Variants in FKBP1A observed in about 807,000 individuals in gnomAD.
The protein encoded by FKBP1A is peptidyl-prolyl cis-trans isomerase FKBP1A.
A neutral mutation model predicts 14.2 loss-of-function variants in FKBP1A; 5 were observed. The ratio of observed to expected loss-of-function variants is 0.35; its 90% CI spans 0.18 to 0.74. FKBP1A has a LOEUF of 0.74. Among genes scored for constraint, FKBP1A ranks in the 30% least tolerant of loss-of-function variants. The probability of loss-of-function intolerance (pLI) is 0.56; values close to 1 mark genes in which losing one functional copy is unlikely to be tolerated. For synonymous variants in FKBP1A, 42 were observed against 49.1 expected, an observed-to-expected ratio of 0.86 and a Z score of 0.60; for missense variants, 53 against 138.8, an observed-to-expected ratio of 0.38 and a Z score of 3.10.
At position 1,392,862 on chromosome 20, in the gene FKBP1A, G is replaced by A; in HGVS notation, c.57C>T (p.Arg19=). 2.6e-6 allele frequency: 4 copies of A among 1,537,800 alleles called. No individual in the cohort carries two copies. The South Asian group carries it at 3.6e-5, about 14-fold the overall frequency. ...SPGDGRTFPK[R]GQTCVVHYTG... is the part of the protein sequence containing the mutation. ...TGTAGTGCACCACGCAGGTCTGGCC[G>A]CGCTTGGGGAAGGTGCGCCCTGAGG... Residue 19 remains arginine (R), a synonymous_variant, in exon 2 of 5, where the codon CGC becomes CGT. Transcript: ENST00000400137.
rs2089525862 is a variant in FKBP1A at position 1,375,341 on chromosome 20, G to A, written c.198+150C>T. ...ACAGTACAAGAAACATTAACAACAG[G>A]AGCTTCTTGTGGGGGTATTGGTCAG... On this transcript the variant is annotated intron_variant, in intron 3 of 4. Coordinates refer to ENST00000400137, the MANE Select transcript of FKBP1A (RefSeq NM_000801.5). The A allele has an allele frequency of 4.8e-6, 3 of 629,708 alleles. No homozygotes were observed. In the East Asian group the frequency reaches 8.2e-5, roughly 17 times the overall value. The allele number at this position is 629,708 out of a possible 1,614,324, so 39.0% of individuals were successfully genotyped here.
chr20:1,382,125 C>T (rs1328528470), intron 2 of FKBP1A, among the ~76,000 whole-genome samples: 2 of 152,174 alleles, frequency 1.3e-5, no homozygotes, highest in African/African-American at 4.8e-5. Context: ...AGTGCTTCCT[C>T]TCTTTGGGGA....
rs1253243541 is a variant in FKBP1A at position 1,370,037 on chromosome 20, A to G, written c.*72T>C. The G allele has an allele frequency of 6.5e-7, 1 of 1,550,126 alleles. No homozygotes were observed. The highest frequency in any genetic ancestry group is 8.7e-7 in the Non-Finnish European group (1 of 1,146,910). ...AAAAGCTCCATATGGATTCATGTGC[A>G]CATGTCTGGAGGCACCAGATCCCTC... On this transcript the variant is annotated 3_prime_UTR_variant, in exon 5 of 5. Transcript: ENST00000400137.
Position 1,370,043 on chromosome 20 carries a change from C to G in FKBP1A, c.*66G>C. The G allele has an allele frequency of 6.5e-7, 1 of 1,550,092 alleles. No homozygotes were observed. The highest frequency in any genetic ancestry group is 8.7e-7 in the Non-Finnish European group (1 of 1,146,920). On this transcript the variant is annotated 3_prime_UTR_variant, in exon 5 of 5. Transcript: ENST00000400137. The stretch of plus-strand genomic sequence containing the variant: ...TCCATATGGATTCATGTGCACATGT[C>G]TGGAGGCACCAGATCCCTCCATGGC...
At chr20:1,371,132 T>A (rs1253122255) in intron 4 of FKBP1A, 2 of 985,322 alleles carry the variant, frequency 2.0e-6, no homozygotes, top group African/African-American at 3.5e-5. Flanking sequence ...AGGCCTTGGC[T>A]GTGACCCTCT....
chr20:1,392,918 C>A (rs2089758953), intron 1 of FKBP1A, 37 bp from the exon 2 acceptor site: 1 of 1,284,906 alleles, frequency 7.8e-7, no homozygotes, highest in Non-Finnish European at 1.0e-6. Flanking sequence ...AGCCGATGCG[C>A]GCGGCGGCAG....
At chr20:1,392,572 CT>C in intron 2 of FKBP1A, among the ~76,000 whole-genome samples, 1 of 152,296 alleles carries the variant, frequency 6.6e-6, no homozygotes, top group East Asian at 1.9e-4. Context: ...AGGGCAGCAT[CT>C]AAGGTGCAGA....
Position 1,372,196 on chromosome 20 carries a change from A to G in FKBP1A, c.243T>C (p.Tyr81=). ...QRAKLTISPD[Y]AYGATGHPGI... Reference sequence around the variant, plus strand: ...CTGGGTGCCCAGTGGCACCATAGGCATAATCTGGAGATATAGTCAGTTTGG... The same window carrying G: ...CTGGGTGCCCAGTGGCACCATAGGCGTAATCTGGAGATATAGTCAGTTTGG... The change falls in exon 4 of 5, where the codon TAT becomes TAC. Residue 81 remains tyrosine, a synonymous_variant. Transcript: ENST00000400137. The G allele has an allele frequency of 6.2e-7, 1 of 1,613,922 alleles. No homozygotes were observed. Among genetic ancestry groups the G allele is most frequent in the Non-Finnish European group, 8.5e-7 (1 of 1,179,820 alleles).
At chr20:1,371,694 A>G in intron 4 of FKBP1A, 1 of 989,782 alleles carries the variant, frequency 1.0e-6, no homozygotes, top group Non-Finnish European at 1.2e-6. Context: ...TCTAGCTTCT[A>G]GAAACACAGG....
intron 2 of FKBP1A, chr20:1,378,138 C>A (rs958014231): frequency 6.6e-6 from 1 of 152,160 alleles, no homozygotes; most frequent in Non-Finnish European, 1.5e-5. Flanking sequence ...AACAAAGACT[C>A]GGGAAGAAAG....
intron 4 of FKBP1A, chr20:1,370,498 C>G: frequency 1.0e-6 from 1 of 980,904 alleles, no homozygotes; most frequent in Non-Finnish European, 1.2e-6. Flanking sequence ...TCAGGAAAGT[C>G]TTAAAAATTT....
rs900283691 is a variant in FKBP1A at position 1,369,905 on chromosome 20, T to C, written c.*204A>G. The C allele has an allele frequency of 4.0e-6, 4 of 1,010,256 alleles. No homozygotes were observed. The highest frequency in any genetic ancestry group is 3.3e-5 in the African/African-American group (2 of 61,058). 62.6% of individuals were successfully genotyped at this position (1,010,256 alleles called of 1,614,324 possible). On this transcript the variant is annotated 3_prime_UTR_variant, in exon 5 of 5. Transcript: ENST00000400137. ...GGCATATAGTTTAGGTAAACACACA[T>C]ACGAGGAGAAAGGGGAAGAGGAAAC...
intron 4 of FKBP1A, chr20:1,370,399 A>G: frequency 6.1e-6 from 6 of 983,876 alleles, no homozygotes; most frequent in Non-Finnish European, 7.2e-6. Flanking sequence ...TGCTACATAT[A>G]GGCATCACCT....
At chr20:1,381,244 C>T (rs1482834530) in intron 2 of FKBP1A, among the ~76,000 whole-genome samples, 1 of 152,048 alleles carries the variant, frequency 6.6e-6, no homozygotes, top group Non-Finnish European at 1.5e-5. Flanking sequence ...AACCAAAATT[C>T]AACAATTAAG....
In FKBP1A at chr20:1,370,344, T is replaced by C. The variant is rs572967039; in HGVS notation, c.*37-272A>G. On this transcript the variant is annotated intron_variant, in intron 4 of 4. Transcript: ENST00000400137. ...GGACAGCAGGAGGGCTAGCCACCCA[T>C]GCTGCTGACAATACAGTTCCCCACT... 6.1e-6 allele frequency: 6 copies of C among 985,452 alleles called. No individual in the cohort carries two copies. The East Asian group carries it at 6.8e-4, about 112-fold the overall frequency. 61.0% of individuals were successfully genotyped at this position (985,452 alleles called of 1,614,324 possible).
chr20:1,388,275 C>T (rs943778719), intron 2 of FKBP1A, among the ~76,000 whole-genome samples: 5 of 152,154 alleles, frequency 3.3e-5, no homozygotes, highest in African/African-American at 9.7e-5. Context: ...AACAGTAAGA[C>T]AGATGTGGAG....
rs1568583959 is a variant in FKBP1A, at chr20:1,370,007, T to C, written c.*102A>G. The C allele has an allele frequency of 6.5e-7, 1 of 1,549,484 alleles. No homozygotes were observed. Among genetic ancestry groups the C allele is most frequent in the South Asian group, 1.2e-5 (1 of 83,930 alleles). On this transcript the variant is annotated 3_prime_UTR_variant, in exon 5 of 5. Transcript: ENST00000400137. ...TGTCTATACAAAGTGGAGTGGAACA[T>C]CAGGAAAAGCTCCATATGGATTCAT...
intron 2 of FKBP1A, chr20:1,378,550 T>C (rs2089579162): frequency 6.6e-6 from 1 of 151,792 alleles, no homozygotes; most frequent in African/African-American, 2.4e-5. Flanking sequence ...TCATGATGTG[T>C]CAATGCAGGT....
chr20:1,382,426 T>C (rs1259914770), intron 2 of FKBP1A, among the ~76,000 whole-genome samples: 1 of 152,210 alleles, frequency 6.6e-6, no homozygotes, highest in Non-Finnish European at 1.5e-5. Context: ...TACAAGCCTA[T>C]AACTCATGCC....
Sources: allele counts gnomAD v4.1 joint callset (sites outside exome capture counted in the v4.1 genomes callset), GRCh38; gene constraint gnomAD v4.1.1; transcripts MANE v1.5; gene names NCBI Gene and HGNC (gene_info 2026-07-23, HGNC 2026-07-21).